MAGI1: variants seen among roughly 807,000 people sequenced by gnomAD.
The protein encoded by MAGI1 is membrane associated guanylate kinase, WW and PDZ domain containing 1.
MAGI1 carries 58 observed loss-of-function variants against 139.9 expected under a neutral mutation model. The observed-to-expected ratio is 0.41, with a 90% CI of 0.34 to 0.52. The LOEUF is 0.52. Ranked by LOEUF, MAGI1 falls within the 20% of genes least tolerant of loss-of-function variation. The pLI, the probability that MAGI1 is intolerant of heterozygous loss-of-function variation, is 0.12. For synonymous variants in MAGI1, 812 were observed against 737.9 expected (o/e 1.10, Z -1.63); for missense variants, 1,874 against 1,901.6 (o/e 0.99, Z 0.27).
chr3:66,023,657 TTATC>T (rs1335737798), intron 1 of MAGI1, among the ~76,000 whole-genome samples: 11 of 152,328 alleles, frequency 7.2e-5, no homozygotes, highest in Admixed American at 2.6e-4. Flanking sequence ...GGGTCCCAAT[TTATC>T]TATAGAAAAG....
chr3:65,369,363 G>A (rs1941753977), intron 18 of MAGI1, among the ~76,000 whole-genome samples: 2 of 152,144 alleles, frequency 1.3e-5, no homozygotes, highest in African/African-American at 2.4e-5. Flanking sequence ...GAAAGAATAA[G>A]GCTACCGATG....
chr3:65,752,516 A>G (rs1446359422), intron 1 of MAGI1, among the ~76,000 whole-genome samples: 4 of 152,252 alleles, frequency 2.6e-5, no homozygotes, highest in African/African-American at 4.8e-5. Context: ...GTTAAAAATA[A>G]TCTTGTAAAA....
At chr3:66,012,720 C>A (rs564803910) in intron 1 of MAGI1, among the ~76,000 whole-genome samples, 2 of 148,524 alleles carry the variant, frequency 1.3e-5, no homozygotes, top group African/African-American at 2.5e-5. Context: ...AAGCCAAGAT[C>A]GTGCTACTGC....
chr3:65,512,873 A>G (rs2077671916), intron 2 of MAGI1, among the ~76,000 whole-genome samples: 1 of 151,764 alleles, frequency 6.6e-6, no homozygotes, highest in African/African-American at 2.4e-5. Flanking sequence ...TTTTAGACCA[A>G]TATCCTTGAT....
chr3:65,844,327 A>G, intron 1 of MAGI1: 1 of 320,400 alleles, frequency 3.1e-6, no homozygotes, highest in Non-Finnish European at 6.0e-6. Flanking sequence ...TCCCTGCCAC[A>G]TCTAGATGAT....
chr3:65,919,584 C>G (rs534158199), intron 1 of MAGI1, among the ~76,000 whole-genome samples: 1 of 130,112 alleles, frequency 7.7e-6, no homozygotes, highest in Non-Finnish European at 1.8e-5. Flanking sequence ...AAAGAAAAAA[C>G]AAACAAACAA....
At chr3:65,947,706 T>A (rs952873198) in intron 1 of MAGI1, among the ~76,000 whole-genome samples, 3 of 152,112 alleles carry the variant, frequency 2.0e-5, no homozygotes, top group Non-Finnish European at 2.9e-5. Flanking sequence ...AGCTTGGATC[T>A]CCTAGGCTCA....
At chr3:65,770,346 G>A (rs1306733905) in intron 1 of MAGI1, among the ~76,000 whole-genome samples, 2 of 152,142 alleles carry the variant, frequency 1.3e-5, no homozygotes, top group East Asian at 1.9e-4. Flanking sequence ...GCTACCATAT[G>A]TTCATCTTTT....
At position 65,689,482 on chromosome 3, in the gene MAGI1, T is replaced by TA. The variant is rs1019760448; in HGVS notation, c.314-67395dup. Among the ~76,000 whole-genome samples, 18 of 151,096 alleles carry TA rather than the reference T, an allele frequency of 1.2e-4. No individual in the cohort carries two copies. In the East Asian group the frequency reaches 1.2e-3, roughly 10 times the overall value. Reference sequence around the variant, plus strand: ...GTTAATGACCCAAAGTAAATAAAAATAAAAAACCACTCCAATCTCCTAGTT... The same window carrying TA: ...GTTAATGACCCAAAGTAAATAAAAATAAAAAAACCACTCCAATCTCCTAGTT... On this transcript the variant is annotated intron_variant, in intron 1 of 22. Transcript: ENST00000402939.
At chr3:65,953,991 C>CT (rs2063988976) in intron 1 of MAGI1, among the ~76,000 whole-genome samples, 2 of 152,100 alleles carry the variant, frequency 1.3e-5, no homozygotes, top group Admixed American at 6.6e-5. Flanking sequence ...CTGGCATTCC[C>CT]TTTCTAAAAT....
chr3:65,812,653 A>G (rs2041340769), intron 1 of MAGI1, among the ~76,000 whole-genome samples: 1 of 150,188 alleles, frequency 6.7e-6, no homozygotes, highest in African/African-American at 2.5e-5. Context: ...GAAATGCTAG[A>G]CCACATTAAA....
chr3:65,931,780 T>C (rs1361676806), intron 1 of MAGI1, among the ~76,000 whole-genome samples: 1 of 152,194 alleles, frequency 6.6e-6, no homozygotes, highest in Non-Finnish European at 1.5e-5. Flanking sequence ...TGCCATTACA[T>C]GTGGATTTGA....
rs1943222075 is a variant in MAGI1 at position 65,383,520 on chromosome 3, CAA to C, written c.2508+10_2508+11del. On this transcript the variant is annotated intron_variant, in intron 15 of 22. Transcript: ENST00000402939. ...AAAATATGCTGGGAAGAGAGACAAG[CAA>C]AAGACTCACAGGTTCCCCTGGTTCA... is the stretch of plus-strand genomic sequence containing the variant. 1 of 1,600,826 alleles carries C rather than the reference CAA, an allele frequency of 6.2e-7. No homozygotes were observed. The highest frequency in any genetic ancestry group is 8.6e-7 in the Non-Finnish European group (1 of 1,168,048).
intron 2 of MAGI1, among the ~76,000 whole-genome samples, chr3:65,571,706 C>T (rs747201221): frequency 6.6e-6 from 1 of 151,494 alleles, no homozygotes; most frequent in Non-Finnish European, 1.5e-5. Flanking sequence ...AGGAGCCATG[C>T]GTAACAGGAC....
At chr3:65,810,179 T>C (rs1472480182) in intron 1 of MAGI1, among the ~76,000 whole-genome samples, 1 of 152,234 alleles carries the variant, frequency 6.6e-6, no homozygotes, top group Admixed American at 6.5e-5. Flanking sequence ...CCATTTTAAC[T>C]CAAAGAAATG....
At position 65,768,113 on chromosome 3, in the gene MAGI1, A is replaced by C. The variant is rs186678364; in HGVS notation, c.314-146025T>G. ...ATTCCTACTGGCAACCCTTTACACA[A>C]GTTGCTTAAAAAATTACTTAAGCAG... On this transcript the variant is annotated intron_variant, in intron 1 of 22. Coordinates refer to ENST00000402939, the MANE Select transcript of MAGI1 (RefSeq NM_001033057.2). 5.9e-5 allele frequency among the ~76,000 whole-genome samples: 9 copies of C among 152,296 alleles called. No individual in the cohort carries two copies. In the East Asian group the frequency reaches 1.7e-3, roughly 29 times the overall value.
chr3:65,997,917 G>C (rs1243475557), intron 1 of MAGI1, among the ~76,000 whole-genome samples: 1 of 152,024 alleles, frequency 6.6e-6, no homozygotes. Context: ...CCAGCAGTTT[G>C]AGAGGCCAAG....
intron 1 of MAGI1, among the ~76,000 whole-genome samples, chr3:65,669,571 G>A (rs1237017161): frequency 6.6e-6 from 1 of 152,142 alleles, no homozygotes; most frequent in African/African-American, 2.4e-5. Context: ...CTTTTGCTTT[G>A]ACTAAACCAC....
intron 1 of MAGI1, among the ~76,000 whole-genome samples, chr3:65,974,399 GTGGATGGGTGGA>G (rs1392027246): frequency 8.3e-3 from 43 of 5,198 alleles, no homozygotes; most frequent in African/African-American, 0.012. Flanking sequence ...GGGTGGATGG[GTGGATGGGTGGA>G]TGGATGGATG....
Sources: allele counts gnomAD v4.1 joint callset (sites outside exome capture counted in the v4.1 genomes callset), GRCh38; gene constraint gnomAD v4.1.1; transcripts MANE v1.5; gene names NCBI Gene and HGNC (gene_info 2026-07-23, HGNC 2026-07-21).